Variants in ANKS1B observed in about 807,000 individuals in gnomAD.
The protein encoded by ANKS1B is ankyrin repeat and sterile alpha motif domain-containing protein 1B.
In ANKS1B, 36 loss-of-function variants were observed where a neutral mutation model predicts 148.3. The ratio of observed to expected loss-of-function variants is 0.24; its 90% CI spans 0.19 to 0.32. The LOEUF (loss-of-function observed/expected upper bound fraction) is 0.32. Ranked by LOEUF, ANKS1B falls within the 10% of genes least tolerant of loss-of-function variation. The pLI is 1.00. For missense variants in ANKS1B, 1,157 were observed against 1,542.6 expected (o/e 0.75, Z 4.19); for synonymous variants, 542 against 560.8 (o/e 0.97, Z 0.47).
intron 9 of ANKS1B, among the ~76,000 whole-genome samples, chr12:99,642,409 T>C (rs2098317882): frequency 6.6e-6 from 1 of 152,216 alleles, no homozygotes. Flanking sequence ...CTTAGTATTA[T>C]AGCTTAAAAT....
At chr12:99,667,298 G>A (rs374891409) in intron 8 of ANKS1B, among the ~76,000 whole-genome samples, 1 of 150,454 alleles carries the variant, frequency 6.6e-6, no homozygotes, top group African/African-American at 2.5e-5. Flanking sequence ...GCAGTGAGCC[G>A]AGATCATGCC....
intron 8 of ANKS1B, among the ~76,000 whole-genome samples, chr12:99,745,016 AAT>A (rs1555583570): frequency 3.4e-5 from 5 of 149,108 alleles, no homozygotes; most frequent in African/African-American, 1.3e-4. Context: ...AAAAAAAAAA[AAT>A]CAGTAGTATC....
At chr12:99,350,102 G>A (rs967296514) in intron 12 of ANKS1B, among the ~76,000 whole-genome samples, 2 of 151,914 alleles carry the variant, frequency 1.3e-5, no homozygotes, top group Non-Finnish European at 2.9e-5. Flanking sequence ...TCTCCCCTTT[G>A]GTGCTGTTCT....
chr12:99,554,845 C>T (rs1194619181), intron 9 of ANKS1B, among the ~76,000 whole-genome samples: 1 of 152,154 alleles, frequency 6.6e-6, no homozygotes, highest in African/African-American at 2.4e-5. Flanking sequence ...TCTCCTCCTC[C>T]TCCTACACTC....
chr12:99,853,997 TTTTG>T (rs1312168202), intron 1 of ANKS1B, among the ~76,000 whole-genome samples: 1 of 152,054 alleles, frequency 6.6e-6, no homozygotes, highest in African/African-American at 2.4e-5. Flanking sequence ...AAGACAAGTT[TTTTG>T]TTTGTTTGTT....
intron 9 of ANKS1B, among the ~76,000 whole-genome samples, chr12:99,558,576 G>C (rs137906346): frequency 6.6e-6 from 1 of 152,190 alleles, no homozygotes; most frequent in Non-Finnish European, 1.5e-5. Context: ...TGGTCTGCTG[G>C]AGCTCTCCAG....
chr12:98,741,442 G>A (rs1197567159), downstream of ANKS1B, among the ~76,000 whole-genome samples: 1 of 152,178 alleles, frequency 6.6e-6, no homozygotes, highest in Non-Finnish European at 1.5e-5. Flanking sequence ...TGGGTTTGCT[G>A]CCAACACTTC....
At chr12:98,914,788 A>G (rs143108547) in intron 17 of ANKS1B, among the ~76,000 whole-genome samples, 1,722 of 152,030 alleles carry the variant, frequency 0.011, 37 homozygotes, top group African/African-American at 0.04. Context: ...CATTTCCTTC[A>G]TGACTACTCA....
intron 15 of ANKS1B, among the ~76,000 whole-genome samples, chr12:99,140,121 T>C (rs527598875): frequency 1.3e-5 from 2 of 152,290 alleles, no homozygotes; most frequent in South Asian, 2.1e-4. Flanking sequence ...GAACATTTTA[T>C]AATAAGTGGG....
intron 4 of ANKS1B, among the ~76,000 whole-genome samples, chr12:99,785,460 G>T (rs1245088089): frequency 1.3e-5 from 2 of 151,606 alleles, no homozygotes; most frequent in South Asian, 2.1e-4. Flanking sequence ...TTGAGATGGA[G>T]TCTTGCTCTC....
chr12:99,848,702 C>G (rs1043960923), intron 1 of ANKS1B, among the ~76,000 whole-genome samples: 1 of 151,824 alleles, frequency 6.6e-6, no homozygotes, highest in African/African-American at 2.4e-5. Context: ...AAAATAAATT[C>G]TAGACAGATT....
intron 11 of ANKS1B, among the ~76,000 whole-genome samples, chr12:99,420,343 T>A (rs1255496853): frequency 6.6e-6 from 1 of 152,194 alleles, no homozygotes; most frequent in African/African-American, 2.4e-5. Flanking sequence ...GTAATAAATA[T>A]GTTAGTAGGT....
chr12:99,784,577 C>T (rs2064794162), intron 4 of ANKS1B, among the ~76,000 whole-genome samples: 1 of 152,130 alleles, frequency 6.6e-6, no homozygotes, highest in Admixed American at 6.5e-5. Flanking sequence ...TTAATCTAGC[C>T]ATCTAGATAT....
At chr12:99,907,812 T>TAAAAAAAAAAAA (rs751468199) in intron 1 of ANKS1B, among the ~76,000 whole-genome samples, 2 of 100,156 alleles carry the variant, frequency 2.0e-5, no homozygotes, top group Non-Finnish European at 3.9e-5. Context: ...GAGAAATTCT[T>TAAAAAAAAAAAA]AAAAAAAAAA....
In ANKS1B at chr12:99,768,634, T is replaced by C. The variant is rs556583488; in HGVS notation, c.1128+4288A>G. Among the ~76,000 whole-genome samples the C allele has an allele frequency of 7.2e-5, 11 of 152,114 alleles. No homozygotes were observed. The East Asian group carries it at 1.6e-3, about 21-fold the overall frequency. Reference sequence around the variant, plus strand: ...CAAGGTCGGGAGATCGAGACCATCGTGGCCAACATGGTGAAACCCCGTGTC... The same window carrying C: ...CAAGGTCGGGAGATCGAGACCATCGCGGCCAACATGGTGAAACCCCGTGTC... On this transcript the variant is annotated intron_variant, in intron 8 of 26. Transcript: ENST00000683438.
chr12:99,266,852 G>A (rs2076494046), intron 12 of ANKS1B, among the ~76,000 whole-genome samples: 1 of 152,160 alleles, frequency 6.6e-6, no homozygotes, highest in African/African-American at 2.4e-5. Flanking sequence ...ACTACTGCAT[G>A]CCAGACACTA....
chr12:99,571,342 T>C (rs1370663574), intron 9 of ANKS1B, among the ~76,000 whole-genome samples: 4 of 151,984 alleles, frequency 2.6e-5, no homozygotes, highest in Non-Finnish European at 5.9e-5. Flanking sequence ...CAAATATAGC[T>C]ATATCTACAG....
intron 8 of ANKS1B, among the ~76,000 whole-genome samples, chr12:99,672,198 T>G (rs1366845383): frequency 1.3e-5 from 2 of 152,094 alleles, no homozygotes; most frequent in Non-Finnish European, 2.9e-5. Flanking sequence ...GGATAAGTCT[T>G]CTGTCTGAGA....
rs75666320 is a variant in ANKS1B, at chr12:98,905,237, C to T, written c.2779-73101G>A. On this transcript the variant is annotated intron_variant, in intron 17 of 26. Coordinates refer to ENST00000683438, the MANE Select transcript of ANKS1B (RefSeq NM_001352186.2). The stretch of plus-strand genomic sequence containing the variant: ...CCAAGATCTGTGTATTTTCCCATGA[C>T]ACTGCAGCTACTACGCTGGGCAAGC... Among the ~76,000 whole-genome samples, 907 of 152,286 alleles carry T rather than the reference C, an allele frequency of 6.0e-3. 7 individuals are homozygous for T. Among genetic ancestry groups the T allele is most frequent in the African/African-American group, 0.02 (836 of 41,560 alleles).
Sources: allele counts gnomAD v4.1 joint callset (sites outside exome capture counted in the v4.1 genomes callset), GRCh38; gene constraint gnomAD v4.1.1; transcripts MANE v1.5; gene names NCBI Gene and HGNC (gene_info 2026-07-23, HGNC 2026-07-21).